Variants in PRKAR1A observed in about 807,000 individuals in gnomAD.
The protein encoded by PRKAR1A is protein kinase cAMP-dependent type I regulatory subunit alpha, also known as cAMP-dependent protein kinase type I-alpha regulatory subunit.
PRKAR1A carries 3 observed loss-of-function variants against 52.0 expected under a neutral mutation model. That is an observed-to-expected ratio of 0.06 (90% CI 0.03 to 0.15). The LOEUF is 0.15. Among genes scored for constraint, PRKAR1A ranks in the 10% least tolerant of loss-of-function variants. PRKAR1A has a pLI of 1.00. For synonymous variants in PRKAR1A, 188 were observed against 168.4 expected (o/e 1.12, Z -0.90); for missense variants, 240 against 477.4 (o/e 0.50, Z 4.63).
At chr17:68,461,964 G>T in the PRKAR1A span, among the ~76,000 whole-genome samples, 2 of 152,192 alleles carry the variant, frequency 1.3e-5, no homozygotes, top group Non-Finnish European at 2.9e-5. The surrounding 1 kb of genome is among the most constrained non-coding windows in gnomAD (Gnocchi z 4.6). Flanking sequence ...GACAGTGTGT[G>T]TGAGATAGCA....
At chr17:68,526,852 A>C (rs2085807564) in intron 7 of PRKAR1A, among the ~76,000 whole-genome samples, 1 of 152,150 alleles carries the variant, frequency 6.6e-6, no homozygotes. Context: ...AATTACCTGA[A>C]CACCAAACCC....
At chr17:68,472,902 G>A in the PRKAR1A span, among the ~76,000 whole-genome samples, 3 of 151,994 alleles carry the variant, frequency 2.0e-5, no homozygotes, top group Non-Finnish European at 2.9e-5. Flanking sequence ...CCAAGATCAT[G>A]CCACTGTACA....
At chr17:68,432,773 GT>G in the PRKAR1A span, among the ~76,000 whole-genome samples, 1 of 152,140 alleles carries the variant, frequency 6.6e-6, no homozygotes, top group Admixed American at 6.5e-5. Flanking sequence ...TTGGGGTAAC[GT>G]TTTCAAAGCG....
the PRKAR1A span, among the ~76,000 whole-genome samples, chr17:68,462,713 G>C: frequency 6.6e-6 from 1 of 152,168 alleles, no homozygotes; most frequent in Non-Finnish European, 1.5e-5. Context: ...CTGTCACGCT[G>C]TCTCTTGGAC....
downstream of PRKAR1A, chr17:68,536,244 A>G (rs956706341): frequency 4.4e-6 from 2 of 453,978 alleles, no homozygotes; most frequent in East Asian, 6.9e-5. Context: ...TTCTATTCTC[A>G]TGCTTACAGT....
At chr17:68,534,021 G>A (rs1327332320), downstream of PRKAR1A, among the ~76,000 whole-genome samples, 2 of 152,156 alleles carry the variant, frequency 1.3e-5, no homozygotes, top group East Asian at 1.9e-4. Flanking sequence ...CAGCGTGCCC[G>A]TCTCCCAAAG....
chr17:68,516,105 A>G (rs1009583024), intron 2 of PRKAR1A, among the ~76,000 whole-genome samples: 1 of 152,166 alleles, frequency 6.6e-6, no homozygotes, highest in Non-Finnish European at 1.5e-5. Flanking sequence ...AGATATTGAT[A>G]TTGATGTTCC....
chr17:68,463,258 A>T, the PRKAR1A span, among the ~76,000 whole-genome samples: 1 of 152,166 alleles, frequency 6.6e-6, no homozygotes. Flanking sequence ...GCCAGTCCTA[A>T]AGCCCCAAAA....
At chr17:68,420,235 T>G in the PRKAR1A span, 1 of 1,614,148 alleles carries the variant, frequency 6.2e-7, no homozygotes, top group African/African-American at 1.3e-5. Flanking sequence ...AGCTGCAGCA[T>G]AAGTTTCCTC....
chr17:68,502,826 T>C, the PRKAR1A span, among the ~76,000 whole-genome samples: 1 of 150,490 alleles, frequency 6.6e-6, no homozygotes, highest in Admixed American at 6.6e-5. Flanking sequence ...AATTCTTAGC[T>C]AAGAAAAAAT....
chr17:68,548,725 A>ATTTTTTTTT (rs753348891), intron 11 of PRKAR1A, among the ~76,000 whole-genome samples: 1 of 79,158 alleles, frequency 1.3e-5, no homozygotes, highest in East Asian at 4.0e-4. Context: ...ATGCCTGTAT[A>ATTTTTTTTT]TTTTTTTTTT....
the PRKAR1A span, among the ~76,000 whole-genome samples, chr17:68,447,502 C>A: frequency 6.6e-6 from 1 of 152,158 alleles, no homozygotes; most frequent in Admixed American, 6.5e-5. Flanking sequence ...CTGCCTCAGC[C>A]TCCCAAGTAG....
chr17:68,535,710 T>C (rs1359295020), downstream of PRKAR1A: 1 of 449,554 alleles, frequency 2.2e-6, no homozygotes, highest in Non-Finnish European at 4.4e-6. Flanking sequence ...CAGGGTTTTG[T>C]CATGTTACCC....
chr17:68,507,247 C>T (rs764658767), upstream of PRKAR1A, among the ~76,000 whole-genome samples: 4 of 152,136 alleles, frequency 2.6e-5, no homozygotes, highest in Non-Finnish European at 4.4e-5. Context: ...TAGAATCAAC[C>T]CAAATGCCCA....
the PRKAR1A span, among the ~76,000 whole-genome samples, chr17:68,479,111 CT>C: frequency 4.6e-5 from 7 of 152,178 alleles, no homozygotes; most frequent in African/African-American, 1.7e-4. Flanking sequence ...TCCACATTCT[CT>C]TTTTGTCCAG....
the PRKAR1A span, among the ~76,000 whole-genome samples, chr17:68,468,183 A>G: frequency 0.19 from 28,396 of 152,160 alleles, 2,905 homozygotes; most frequent in South Asian, 0.22. Context: ...AAAAATAAAC[A>G]CTGAGGACCA....
the PRKAR1A span, chr17:68,428,794 T>C: frequency 1.3e-6 from 2 of 1,541,824 alleles, no homozygotes; most frequent in Non-Finnish European, 1.8e-6. Context: ...CGACCAGCTC[T>C]CGAAAGGCTG....
the PRKAR1A span, among the ~76,000 whole-genome samples, chr17:68,493,043 G>A: frequency 1.3e-5 from 2 of 151,848 alleles, no homozygotes; most frequent in Admixed American, 1.3e-4. Flanking sequence ...TGGGATTGCT[G>A]GTCAAATGCT....
chr17:68,495,623 A>C, the PRKAR1A span, among the ~76,000 whole-genome samples: 1 of 152,180 alleles, frequency 6.6e-6, no homozygotes, highest in African/African-American at 2.4e-5. Flanking sequence ...TGCTTCTCTT[A>C]TTATACTCAT....
Sources: gnomAD v4.1 joint callset for allele counts (sites outside exome capture counted in the v4.1 genomes callset) on GRCh38, gnomAD v4.1.1 for gene constraint, Gnocchi (gnomAD v3.1) non-coding constraint, MANE v1.5 for transcripts, NCBI Gene and HGNC (gene_info 2026-07-23, HGNC 2026-07-21) for gene names.